FUBP1: variants seen among roughly 807,000 people sequenced by gnomAD.
FUBP1 encodes far upstream element binding protein 1.
In FUBP1, 16 loss-of-function variants were observed where a neutral mutation model predicts 94.9. The ratio of observed to expected loss-of-function variants is 0.17; its 90% CI spans 0.11 to 0.26. The LOEUF (loss-of-function observed/expected upper bound fraction) is 0.26, where lower values mean the gene tolerates loss of function less well. Ranked by LOEUF, FUBP1 falls within the 10% of genes least tolerant of loss-of-function variation. FUBP1 has a pLI of 1.00. For missense variants in FUBP1, 583 were observed against 808.6 expected, an observed-to-expected ratio of 0.72 and a Z score of 3.38; for synonymous variants, 279 against 254.9, an observed-to-expected ratio of 1.09 and a Z score of -0.90.
intron 1 of FUBP1, among the ~76,000 whole-genome samples, 181 bp from the exon 2 acceptor site, chr1:77,970,196 CATA>C (rs1297950307): frequency 6.6e-6 from 1 of 152,206 alleles, no homozygotes; most frequent in East Asian, 1.9e-4. Context: ...AGGCAGTTAA[CATA>C]ATAATCATAA....
In FUBP1 at chr1:77,960,448, A is replaced by C. The variant is rs1557438269; in HGVS notation, c.1392T>G (p.Gly464=). The C allele has an allele frequency of 5.7e-6, 9 of 1,589,586 alleles. No individual in the cohort carries two copies. Among genetic ancestry groups the C allele is most frequent in the Non-Finnish European group, 4.3e-6 (5 of 1,171,786 alleles). ...LGPPVPHGPH[G]VPGPHGPPGP... is the part of the protein sequence containing the mutation. ...CAGGAGGTCCATGGGGGCCTGGGAC[A>C]CCATGGGGCCCATGGGGTACAGGTG... is the stretch of plus-strand genomic sequence containing the variant. Residue 464 remains glycine, a synonymous_variant, in exon 15 of 20, where the codon GGT becomes GGG. Transcript: ENST00000370768.
chr1:77,979,283 G>T (rs930047610), upstream of FUBP1: 2 of 428,594 alleles, frequency 4.7e-6, no homozygotes, highest in Non-Finnish European at 8.5e-6. Flanking sequence ...TCCTCTCCGC[G>T]CGTTCTTGGG....
chr1:77,947,775 T>G lies in FUBP1; in HGVS notation c.*991A>C. On this transcript the variant is annotated 3_prime_UTR_variant, in exon 20 of 20. Transcript: ENST00000370768. ...TTTACAAAACAAAGCTTATCTATAC[T>G]GCATAAAGAAAAAAAAAAAGCTTGA... 1.5e-6 allele frequency: 1 copy of G among 678,178 alleles called. No homozygotes were observed. The highest frequency in any genetic ancestry group is 2.1e-6 in the Non-Finnish European group (1 of 474,760). The allele number at this position is 678,178 out of a possible 1,614,324, so 42.0% of individuals were successfully genotyped here.
At position 77,965,151 on chromosome 1, in the gene FUBP1, T is replaced by C. The variant is rs1303092925; in HGVS notation, c.554A>G (p.Asn185Ser). The part of the protein sequence containing the change: ...PGFHHGDGPG[N>S]AVQEIMIPAS... ...TGGAATCATGATTTCTTGAACTGCA[T>C]TTCCCGGTCCATCGCCATGATGGAA... Residue 185 changes from asparagine (N) to serine (S), a missense_variant, in exon 8 of 20, where the codon AAT (asparagine) becomes AGT (serine). Transcript: ENST00000370768. The C allele has an allele frequency of 1.2e-6, 2 of 1,612,712 alleles. No homozygotes were observed. Among genetic ancestry groups the C allele is most frequent in the Non-Finnish European group, 1.7e-6 (2 of 1,178,748 alleles).
rs769449219 is a variant in FUBP1, at chr1:77,949,158, A to T, written c.1923T>A (p.Pro641=). 35 of 1,611,700 alleles carry T rather than the reference A, an allele frequency of 2.2e-5. 1 individual carries two copies. The South Asian group carries it at 3.4e-4, about 16-fold the overall frequency. Residue 641 remains proline (P), a synonymous_variant, in exon 19 of 20, where the codon CCT becomes CCA. Coordinates refer to ENST00000370768, the MANE Select transcript of FUBP1 (RefSeq NM_003902.5). ...PQGMPQHPPA[P]QGQ ...CAAATTAGCAATTACATTATACCTG[A>T]GGTGCTGGAGGATGCTGTGGCATTC...
At chr1:77,963,522 G>T in intron 13 of FUBP1, 52 bp downstream of exon 13, 1 of 1,060,678 alleles carries the variant, frequency 9.4e-7, no homozygotes, top group Non-Finnish European at 1.4e-6. Flanking sequence ...AACAGAAAGT[G>T]TCCAGAAAAA....
At chr1:77,967,248 G>C (rs1332330238) in intron 4 of FUBP1, 147 bp from the exon 5 acceptor site, 1 of 573,138 alleles carries the variant, frequency 1.7e-6, no homozygotes, top group Non-Finnish European at 3.1e-6. Flanking sequence ...CAAAAAATAT[G>C]ATCTTATTAC....
At chr1:77,957,570 T>C (rs890247216) in intron 16 of FUBP1, among the ~76,000 whole-genome samples, 6 of 152,230 alleles carry the variant, frequency 3.9e-5, no homozygotes, top group African/African-American at 1.2e-4. Context: ...TCTTTTATAC[T>C]AGGAATACCA....
upstream of FUBP1, chr1:77,979,095 T>G (rs1659349700): frequency 8.2e-7 from 1 of 1,222,258 alleles, no homozygotes; most frequent in African/African-American, 1.5e-5. Context: ...GTCGAAGCTC[T>G]ATTACATTCT....
At chr1:77,964,425 A>T in intron 10 of FUBP1, 69 bp from the exon 11 acceptor site, 5 of 970,584 alleles carry the variant, frequency 5.2e-6, no homozygotes, top group South Asian at 1.5e-5. Flanking sequence ...AAAGTATTTT[A>T]AAAAAGCGCC....
At chr1:77,959,327 T>C (rs183228179) in intron 16 of FUBP1, among the ~76,000 whole-genome samples, 43 of 152,222 alleles carry the variant, frequency 2.8e-4, no homozygotes, top group Admixed American at 2.8e-3. Flanking sequence ...GATGCCAGAA[T>C]ATAATAGGAT....
intron 18 of FUBP1, among the ~76,000 whole-genome samples, chr1:77,950,869 A>G (rs1050928962): frequency 8.5e-5 from 13 of 152,160 alleles, no homozygotes; most frequent in Non-Finnish European, 1.9e-4. Context: ...CAACTGAGTG[A>G]AAGAATTTAA....
At chr1:77,967,145 CTT>C (rs1557458592) in intron 4 of FUBP1, 44 bp from the exon 5 acceptor site, 1 of 1,218,748 alleles carries the variant, frequency 8.2e-7, no homozygotes, top group South Asian at 1.3e-5. Context: ...ATGAAAGATA[CTT>C]TGTTTACAAA....
chr1:77,947,194 C>A lies in FUBP1; in HGVS notation c.*1572G>T. 4.3e-6 allele frequency: 1 copy of A among 233,672 alleles called. No individual in the cohort carries two copies. The highest frequency in any genetic ancestry group is 2.2e-5 in the African/African-American group (1 of 44,646). The allele number at this position is 233,672 out of a possible 1,614,324, so 14.5% of individuals were successfully genotyped here. The stretch of plus-strand genomic sequence containing the variant: ...ATTTTAGGAGCACCAGTGAATAATA[C>A]TATTCAACTTTGTTAAGTATCAGTT... On this transcript the variant is annotated 3_prime_UTR_variant, in exon 20 of 20. Transcript: ENST00000370768.
intron 7 of FUBP1, 146 bp downstream of exon 7, chr1:77,966,548 A>C (rs957855955): frequency 1.8e-4 from 111 of 616,722 alleles, no homozygotes; most frequent in Non-Finnish European, 2.4e-4. Context: ...GGCATGAGGC[A>C]TAAACTTCAA....
chr1:77,945,924 CTA>C lies in FUBP1; in HGVS notation c.*2840_*2841del. 1 of 208,176 alleles carries C rather than the reference CTA, an allele frequency of 4.8e-6. No homozygotes were observed. The highest frequency in any genetic ancestry group is 7.3e-5 in the East Asian group (1 of 13,752). 12.9% of individuals were successfully genotyped at this position (208,176 alleles called of 1,614,324 possible). A position where few individuals can be genotyped will look rare whatever the true frequency, so the allele number is the denominator to read the frequency against. ...GCTACAGATTATGAAAGGTTATTTG[CTA>C]TACAGTTAACATTTCACTGATGCAC... On this transcript the variant is annotated 3_prime_UTR_variant, in exon 20 of 20. Transcript: ENST00000370768.
Position 77,944,373 on chromosome 1 carries a change from A to G in FUBP1, c.*4393T>C, listed in dbSNP as rs1332725057. ...ATTTAAGAGTTTCTATAGGGGTATC[A>G]CTGAAGAAAATAAAACCCTGGGATT... On this transcript the variant is annotated 3_prime_UTR_variant, in exon 20 of 20. Coordinates refer to ENST00000370768, the MANE Select transcript of FUBP1 (RefSeq NM_003902.5). The G allele has an allele frequency of 5.0e-6, 1 of 201,456 alleles. No individual in the cohort carries two copies. The highest frequency in any genetic ancestry group is 2.3e-5 in the African/African-American group (1 of 43,474). 12.5% of individuals were successfully genotyped at this position (201,456 alleles called of 1,614,324 possible).
chr1:77,965,831 G>A (rs1481260377), intron 7 of FUBP1, among the ~76,000 whole-genome samples: 4 of 152,160 alleles, frequency 2.6e-5, no homozygotes, highest in African/African-American at 4.8e-5. Context: ...GGTGGATCAC[G>A]AGGTCAAGAG....
intron 3 of FUBP1, 48 bp downstream of exon 3, chr1:77,968,117 T>G (rs74092340): frequency 3.3e-6 from 4 of 1,212,484 alleles, no homozygotes; most frequent in South Asian, 1.4e-5. Context: ...AATCTTAACA[T>G]TGAAATTGTT....
Sources: gnomAD v4.1 joint callset for allele counts (sites outside exome capture counted in the v4.1 genomes callset) on GRCh38, gnomAD v4.1.1 for gene constraint, MANE v1.5 for transcripts, NCBI Gene and HGNC (gene_info 2026-07-23, HGNC 2026-07-21) for gene names.